The following GINS3 variants were observed in gnomAD, a reference collection of about 807,000 sequenced individuals.
The protein encoded by GINS3 is DNA replication complex GINS protein PSF3.
In GINS3, 18 loss-of-function variants were observed where a neutral mutation model predicts 20.0. The ratio of observed to expected loss-of-function variants is 0.90; its 90% CI spans 0.62 to 1.33. GINS3 has a LOEUF of 1.33. Among genes scored for constraint, GINS3 ranks in the 40% most tolerant of loss-of-function variants. The probability of loss-of-function intolerance (pLI) is 0.00; values close to 1 mark genes in which losing one functional copy is unlikely to be tolerated. For synonymous variants in GINS3, 109 were observed against 107.0 expected, an observed-to-expected ratio of 1.02 and a Z score of -0.12; for missense variants, 254 against 273.6, an observed-to-expected ratio of 0.93 and a Z score of 0.51.
At chr16:58,395,075 AAT>A in intron 1 of GINS3, 8 of 517,778 alleles carry the variant, frequency 1.5e-5, no homozygotes, top group South Asian at 5.2e-5. Context: ...CATTTTATCT[AAT>A]TTTTTTTTTT....
At chr16:58,396,678 C>T (rs1460793803) in intron 1 of GINS3, among the ~76,000 whole-genome samples, 6 of 117,290 alleles carry the variant, frequency 5.1e-5, no homozygotes, top group Non-Finnish European at 8.9e-5. Flanking sequence ...ACCCCCCGAC[C>T]TCCCTCCCGG....
At chr16:58,397,494 C>T (rs900181072) in intron 1 of GINS3, among the ~76,000 whole-genome samples, 8 of 152,034 alleles carry the variant, frequency 5.3e-5, no homozygotes, top group African/African-American at 1.9e-4. Context: ...GAGATCACGC[C>T]ACTGCACTCC....
chr16:58,397,039 G>A (rs1486891766), intron 1 of GINS3, among the ~76,000 whole-genome samples: 15 of 147,716 alleles, frequency 1.0e-4, no homozygotes, highest in Non-Finnish European at 1.6e-4. Context: ...CCTCCCTTCC[G>A]GACAGGGCGG....
intron 1 of GINS3, 120 bp downstream of exon 1, chr16:58,392,907 G>A: frequency 9.1e-7 from 1 of 1,101,772 alleles, no homozygotes; most frequent in Non-Finnish European, 1.3e-6. Context: ...CGAGGAGCCA[G>A]GGCCGAAGGC....
At chr16:58,400,055 C>T (rs1205627089) in intron 1 of GINS3, among the ~76,000 whole-genome samples, 1 of 152,160 alleles carries the variant, frequency 6.6e-6, no homozygotes, top group Non-Finnish European at 1.5e-5. Context: ...ATTCTCTCTT[C>T]AGAATTCCCT....
intron 1 of GINS3, among the ~76,000 whole-genome samples, chr16:58,395,551 T>C (rs562896318): frequency 1.3e-5 from 2 of 152,084 alleles, no homozygotes; most frequent in Non-Finnish European, 2.9e-5. Flanking sequence ...CATGCTGCCT[T>C]CAAGCATCTG....
In GINS3 at chr16:58,392,552, A is replaced by G. The variant is rs756801247; in HGVS notation, c.-50A>G. On this transcript the variant is annotated 5_prime_UTR_variant, in exon 1 of 3. Coordinates refer to ENST00000318129, the MANE Select transcript of GINS3 (RefSeq NM_022770.4). ...CCGTCTTGTACACCCCTAACTCCTG[A>G]GGCTCCTCCGAATCACGCGAGTGGA... The G allele has an allele frequency of 6.3e-7, 1 of 1,596,778 alleles. No homozygotes were observed. Among genetic ancestry groups the G allele is most frequent in the Non-Finnish European group, 8.6e-7 (1 of 1,167,548 alleles).
chr16:58,397,144 G>T (rs1339243295), intron 1 of GINS3, among the ~76,000 whole-genome samples: 1 of 151,484 alleles, frequency 6.6e-6, no homozygotes, highest in African/African-American at 2.4e-5. Context: ...TAGCTGCCGG[G>T]CGGAGGGGCT....
chr16:58,392,733 C>A lies in GINS3; in HGVS notation c.132C>A (p.Gly44=). 1 of 1,613,946 alleles carries A rather than the reference C, an allele frequency of 6.2e-7. No individual in the cohort carries two copies. Among genetic ancestry groups the A allele is most frequent in the Non-Finnish European group, 8.5e-7 (1 of 1,180,004 alleles). The change falls in exon 1 of 3, where the codon GGC becomes GGA. Residue 44 remains glycine, a synonymous_variant. Transcript: ENST00000318129. ...VRTETAMPRL[G]AFFLERSAGA... is the part of the protein sequence containing the mutation. ...CGGAGACCGCCATGCCTCGCCTTGG[C>A]GCTTTCTTCCTGGAGCGGAGCGCAG...
At chr16:58,400,097 TTCTGTCTGTG>T (rs1567536530) in intron 1 of GINS3, among the ~76,000 whole-genome samples, 1 of 152,236 alleles carries the variant, frequency 6.6e-6, no homozygotes, top group Non-Finnish European at 1.5e-5. Context: ...AAGTCTCAGT[TTCTGTCTGTG>T]TCACAGATGC....
chr16:58,396,531 T>C (rs1596956316), intron 1 of GINS3, among the ~76,000 whole-genome samples: 2 of 34,540 alleles, frequency 5.8e-5, no homozygotes, highest in African/African-American at 3.3e-4. Context: ...CCCCCCCACC[T>C]CCCTCCCGGA....
intron 1 of GINS3, among the ~76,000 whole-genome samples, chr16:58,394,095 G>A (rs978282924): frequency 1.3e-5 from 2 of 151,948 alleles, no homozygotes; most frequent in African/African-American, 2.4e-5. Flanking sequence ...TAAACATGGC[G>A]CTATGCTGCC....
intron 1 of GINS3, among the ~76,000 whole-genome samples, chr16:58,401,354 A>G (rs1018131882): frequency 1.1e-4 from 17 of 152,256 alleles, no homozygotes; most frequent in Admixed American, 1.1e-3. Flanking sequence ...AGCAGCCATC[A>G]AGACTTACTG....
At chr16:58,403,863 T>A (rs536827349) in intron 2 of GINS3, 1 of 160,832 alleles carries the variant, frequency 6.2e-6, no homozygotes, top group Non-Finnish European at 1.4e-5. Context: ...CCTTCCTTTG[T>A]TCTGGGGTTA....
intron 1 of GINS3, among the ~76,000 whole-genome samples, chr16:58,399,288 GAA>G (rs557138291): frequency 3.3e-5 from 4 of 122,598 alleles, no homozygotes; most frequent in Non-Finnish European, 3.4e-5. Context: ...CCCCCTCTCT[GAA>G]AAAAAAAAAA....
rs1354924015 is a variant in GINS3 at position 58,404,946 on chromosome 16, C to T, written c.*217C>T. ...CCGTCCCACCCTGCTGACCCACAGC[C>T]CAGGCCCTTTAACCCAAGAACCCAT... On this transcript the variant is annotated 3_prime_UTR_variant, in exon 3 of 3. Coordinates refer to ENST00000318129, the MANE Select transcript of GINS3 (RefSeq NM_022770.4). 7 of 545,846 alleles carry T rather than the reference C, an allele frequency of 1.3e-5. No individual in the cohort carries two copies. The East Asian group carries it at 1.8e-4, about 14-fold the overall frequency. The allele number at this position is 545,846 out of a possible 1,614,324, so 33.8% of individuals were successfully genotyped here.
chr16:58,394,720 A>G (rs907849390), intron 1 of GINS3, among the ~76,000 whole-genome samples: 2 of 152,234 alleles, frequency 1.3e-5, no homozygotes, highest in African/African-American at 2.4e-5. Flanking sequence ...GGAAGACCAC[A>G]GAGGTAAAGT....
intron 2 of GINS3, 184 bp downstream of exon 2, chr16:58,403,515 A>ACACT: frequency 1.7e-6 from 1 of 571,748 alleles, no homozygotes; most frequent in Non-Finnish European, 3.1e-6. Flanking sequence ...ACACACACAC[A>ACACT]CACACATTTT....
chr16:58,397,262 A>T (rs552480018), intron 1 of GINS3, among the ~76,000 whole-genome samples: 7 of 151,010 alleles, frequency 4.6e-5, no homozygotes, highest in African/African-American at 1.5e-4. Flanking sequence ...AGCAGGGCAG[A>T]GGCACTCCCC....
Sources: gnomAD v4.1 joint callset for allele counts (sites outside exome capture counted in the v4.1 genomes callset) on GRCh38, gnomAD v4.1.1 for gene constraint, MANE v1.5 for transcripts, NCBI Gene and HGNC (gene_info 2026-07-23, HGNC 2026-07-21) for gene names.